UGT2B7: variants seen among roughly 807,000 people sequenced by gnomAD.
UGT2B7 encodes the protein UDP-glucuronosyltransferase 2B7.
A neutral mutation model predicts 51.9 loss-of-function variants in UGT2B7; 51 were observed. That is an observed-to-expected ratio of 0.98 (90% CI 0.78 to 1.24). The LOEUF (loss-of-function observed/expected upper bound fraction) is 1.24, where lower values mean the gene tolerates loss of function less well. UGT2B7 is among the 50% of genes most tolerant of loss of function. The probability of loss-of-function intolerance (pLI) is 0.00; values close to 1 mark genes in which losing one functional copy is unlikely to be tolerated. For missense variants in UGT2B7, 727 were observed against 628.4 expected, an observed-to-expected ratio of 1.16 and a Z score of -1.68; for synonymous variants, 225 against 211.6, an observed-to-expected ratio of 1.06 and a Z score of -0.55.
intron 5 of UGT2B7, among the ~76,000 whole-genome samples, chr4:69,110,211 G>A (rs567651483): frequency 1.2e-4 from 18 of 151,948 alleles, no homozygotes; most frequent in Non-Finnish European, 2.4e-4. Context: ...TTTTCCTAGA[G>A]CATGTCGAAT....
At chr4:69,054,534 C>T (rs1718131663) in intron 1 of UGT2B7, among the ~76,000 whole-genome samples, 1 of 152,146 alleles carries the variant, frequency 6.6e-6, no homozygotes, top group Non-Finnish European at 1.5e-5. Flanking sequence ...GTTTGCAACA[C>T]CCTAACCCTG....
chr4:69,080,214 A>G (rs956867793), intron 1 of UGT2B7, among the ~76,000 whole-genome samples: 3 of 152,122 alleles, frequency 2.0e-5, no homozygotes, highest in Non-Finnish European at 4.4e-5. Flanking sequence ...AACAAAAAAT[A>G]TTGTGAAATA....
chr4:69,066,887 A>G (rs1440512947), intron 1 of UGT2B7, among the ~76,000 whole-genome samples: 2 of 152,236 alleles, frequency 1.3e-5, no homozygotes, highest in Admixed American at 6.5e-5. Context: ...TGCATTTTCT[A>G]TGGGAGTAAA....
chr4:69,080,951 TA>T (rs897494610), intron 1 of UGT2B7, among the ~76,000 whole-genome samples: 31 of 151,854 alleles, frequency 2.0e-4, no homozygotes, highest in African/African-American at 5.8e-4. Flanking sequence ...ATGTGTAACA[TA>T]AAAAAAACAC....
upstream of UGT2B7, among the ~76,000 whole-genome samples, chr4:69,091,763 A>G (rs1719090252): frequency 6.6e-6 from 1 of 152,146 alleles, no homozygotes; most frequent in African/African-American, 2.4e-5. Flanking sequence ...GCTTAATGTC[A>G]AAAACATTCC....
intron 2 of UGT2B7, among the ~76,000 whole-genome samples, chr4:69,101,419 G>T (rs1719414121): frequency 6.6e-6 from 1 of 151,828 alleles, no homozygotes; most frequent in Admixed American, 6.6e-5. Context: ...CACAGAAGAA[G>T]AAACAACCAG....
chr4:69,085,495 T>A (rs1425512420), intron 1 of UGT2B7, among the ~76,000 whole-genome samples: 1 of 152,094 alleles, frequency 6.6e-6, no homozygotes, highest in Non-Finnish European at 1.5e-5. Flanking sequence ...AATTTTGACT[T>A]TGTTGCAATT....
chr4:69,073,700 A>G (rs1718645509), intron 1 of UGT2B7, among the ~76,000 whole-genome samples: 1 of 151,938 alleles, frequency 6.6e-6, no homozygotes, highest in African/African-American at 2.4e-5. Flanking sequence ...CAAATCATAT[A>G]ATGAGTAGCT....
intron 1 of UGT2B7, among the ~76,000 whole-genome samples, chr4:69,057,611 C>G (rs1288997581): frequency 6.6e-6 from 1 of 152,198 alleles, no homozygotes; most frequent in Non-Finnish European, 1.5e-5. Context: ...TACAAAAGCT[C>G]AGACCTTGAA....
At chr4:69,112,345 G>T in intron 5 of UGT2B7, 112 bp from the exon 6 acceptor site, 1 of 1,407,720 alleles carries the variant, frequency 7.1e-7, no homozygotes, top group Non-Finnish European at 9.5e-7. Context: ...TGAGAGAGGA[G>T]TCTTGCCGAT....
chr4:69,057,543 G>C (rs562564688), intron 1 of UGT2B7, among the ~76,000 whole-genome samples: 6 of 152,136 alleles, frequency 3.9e-5, no homozygotes, highest in Non-Finnish European at 8.8e-5. Flanking sequence ...TTATCCATAA[G>C]AATTAAAATC....
chr4:69,100,959 G>C (rs1719401236), intron 2 of UGT2B7, among the ~76,000 whole-genome samples: 2 of 151,940 alleles, frequency 1.3e-5, no homozygotes, highest in African/African-American at 4.8e-5. Context: ...AAATCATACA[G>C]AGAAAAAAAT....
chr4:69,080,733 A>G (rs532578306), intron 1 of UGT2B7, among the ~76,000 whole-genome samples: 2 of 152,244 alleles, frequency 1.3e-5, no homozygotes, highest in African/African-American at 4.8e-5. Context: ...AATGCAATTG[A>G]CTTTCTGTAC....
intron 1 of UGT2B7, among the ~76,000 whole-genome samples, chr4:69,073,253 A>T (rs1718637924): frequency 6.6e-6 from 1 of 152,246 alleles, no homozygotes; most frequent in East Asian, 1.9e-4. Flanking sequence ...CCAAAAATGG[A>T]TATTAACTTT....
chr4:69,073,856 T>A (rs983345323), intron 1 of UGT2B7, among the ~76,000 whole-genome samples: 1 of 152,218 alleles, frequency 6.6e-6, no homozygotes, highest in African/African-American at 2.4e-5. Flanking sequence ...AATTCCTCTT[T>A]TGGGCTCTAT....
At chr4:69,055,917 T>C (rs1560497000) in intron 1 of UGT2B7, among the ~76,000 whole-genome samples, 1 of 152,186 alleles carries the variant, frequency 6.6e-6, no homozygotes, top group Non-Finnish European at 1.5e-5. Flanking sequence ...ATGGTGGAGT[T>C]CCAATTACAC....
chr4:69,111,544 G>T (rs1456308201), intron 5 of UGT2B7, among the ~76,000 whole-genome samples: 1 of 152,098 alleles, frequency 6.6e-6, no homozygotes, highest in Non-Finnish European at 1.5e-5. Flanking sequence ...CATGTTCTCC[G>T]TATGTCTGTT....
chr4:69,101,199 A>C (rs1301755194), intron 2 of UGT2B7, among the ~76,000 whole-genome samples: 1 of 152,076 alleles, frequency 6.6e-6, no homozygotes, highest in Non-Finnish European at 1.5e-5. Flanking sequence ...CAGGAGGAAA[A>C]TGTATACATA....
At chr4:69,072,276 T>A (rs1718618331) in intron 1 of UGT2B7, among the ~76,000 whole-genome samples, 1 of 152,136 alleles carries the variant, frequency 6.6e-6, no homozygotes, top group South Asian at 2.1e-4. Flanking sequence ...ACACAGAAAC[T>A]CTAAGTAGTC....
Sources: allele counts gnomAD v4.1 joint callset (sites outside exome capture counted in the v4.1 genomes callset), GRCh38; gene constraint gnomAD v4.1.1; transcripts MANE v1.5; gene names NCBI Gene and HGNC (gene_info 2026-07-23, HGNC 2026-07-21).